Variants in STRADB observed in about 807,000 individuals in gnomAD.
STRADB encodes the protein STE20 related adaptor beta.
STRADB carries 34 observed loss-of-function variants against 52.1 expected under a neutral mutation model. The ratio of observed to expected loss-of-function variants is 0.65; its 90% confidence interval spans 0.50 to 0.87. The LOEUF is 0.87. Among genes scored for constraint, STRADB ranks in the 40% least tolerant of loss-of-function variants. The pLI, the probability that STRADB is intolerant of heterozygous loss-of-function variation, is 0.00. For synonymous variants in STRADB, 133 were observed against 174.5 expected (o/e 0.76, Z 1.87); for missense variants, 340 against 483.9 (o/e 0.70, Z 2.79).
rs1237786469 is a variant in STRADB, at chr2:201,474,634, G to A, written c.316-13G>A. 5 of 1,601,084 alleles carry A rather than the reference G, an allele frequency of 3.1e-6. No individual in the cohort carries two copies. In the Admixed American group the frequency reaches 8.6e-5, roughly 27 times the overall value. On this transcript the variant is annotated splice_polypyrimidine_tract_variant and intron_variant, in intron 5 of 11. Transcript: ENST00000194530. ...TGTTTTTAAATGTCTTGTCTCTTGT[G>A]TGTTTATCCTAGAAAGCCGTGATTC... is the stretch of plus-strand genomic sequence containing the variant.
intron 1 of STRADB, among the ~76,000 whole-genome samples, chr2:201,454,437 C>A (rs907590562): frequency 6.6e-6 from 1 of 152,082 alleles, no homozygotes; most frequent in Non-Finnish European, 1.5e-5. Context: ...CTTTAAAAAA[C>A]AAACAAAAAA....
intron 3 of STRADB, among the ~76,000 whole-genome samples, chr2:201,463,134 G>A (rs1008973145): frequency 2.0e-5 from 3 of 152,096 alleles, no homozygotes; most frequent in Non-Finnish European, 4.4e-5. Context: ...TCAGGAGATT[G>A]AGACCATCCT....
intron 10 of STRADB, 39 bp from the exon 11 acceptor site, chr2:201,479,450 A>G (rs981983589): frequency 4.9e-6 from 7 of 1,441,770 alleles, no homozygotes; most frequent in Non-Finnish European, 6.4e-6. Context: ...ACATTCTAAT[A>G]TAAAGGTTTT....
chr2:201,452,227 G>A (rs1370976886), intron 1 of STRADB, among the ~76,000 whole-genome samples: 11 of 151,934 alleles, frequency 7.2e-5, no homozygotes, highest in African/African-American at 2.7e-4. Flanking sequence ...CCAGGTGCGC[G>A]GGGCCCAGGC....
intron 4 of STRADB, among the ~76,000 whole-genome samples, chr2:201,472,400 A>G (rs910695177): frequency 6.6e-6 from 1 of 152,252 alleles, no homozygotes; most frequent in Non-Finnish European, 1.5e-5. Context: ...TGGTATAGCC[A>G]TACAATTGTT....
At chr2:201,478,749 G>A (rs1952521992) in intron 10 of STRADB, 148 bp downstream of exon 10, 1 of 1,008,844 alleles carries the variant, frequency 9.9e-7, no homozygotes, top group Non-Finnish European at 1.4e-6. Context: ...ACAATTAGTG[G>A]GAACAAGCAA....
In STRADB at chr2:201,466,586, T is replaced by C. The variant is rs115599865; in HGVS notation, c.94-3367T>C. 5.4e-3 allele frequency among the ~76,000 whole-genome samples: 828 copies of C among 152,336 alleles called. 1 individual carries two copies. The highest frequency in any genetic ancestry group is 0.01 in the Non-Finnish European group (693 of 68,028). On this transcript the variant is annotated intron_variant, in intron 3 of 11. Coordinates refer to ENST00000194530, the MANE Select transcript of STRADB (RefSeq NM_018571.6). ...ATTGGCCTGGACTTTATAGATAGAA[T>C]TAAATTTTATGTTAAAATATCATGT...
chr2:201,477,534 A>G, intron 7 of STRADB, 85 bp from the exon 8 acceptor site: 1 of 1,350,586 alleles, frequency 7.4e-7, no homozygotes, highest in Non-Finnish European at 1.0e-6. Flanking sequence ...TTCCAAGAGA[A>G]TATATGGATT....
chr2:201,464,284 T>C (rs1011692966), intron 3 of STRADB, among the ~76,000 whole-genome samples: 40 of 152,254 alleles, frequency 2.6e-4, no homozygotes, highest in African/African-American at 8.9e-4. Context: ...CTTTGGTCAC[T>C]GTAACTCTAT....
intron 8 of STRADB, 95 bp downstream of exon 8, chr2:201,477,885 T>G (rs1030035014): frequency 2.8e-6 from 4 of 1,439,682 alleles, no homozygotes; most frequent in African/African-American, 1.4e-5. Context: ...GATTGGTGAA[T>G]GGCCTTCTGC....
At chr2:201,473,884 A>T (rs1053615351) in intron 5 of STRADB, among the ~76,000 whole-genome samples, 4 of 150,864 alleles carry the variant, frequency 2.7e-5, no homozygotes, top group Non-Finnish European at 5.9e-5. Flanking sequence ...ATATTGTTCC[A>T]ATTCTTTTTT....
intron 11 of STRADB, among the ~76,000 whole-genome samples, chr2:201,479,745 G>A (rs1012880509): frequency 4.6e-5 from 7 of 151,992 alleles, no homozygotes; most frequent in Non-Finnish European, 1.0e-4. Context: ...AAAATAAAAT[G>A]GACTATCATC....
At chr2:201,479,955 T>C (rs1574297954) in intron 11 of STRADB, 77 bp from the exon 12 acceptor site, 1 of 1,551,746 alleles carries the variant, frequency 6.4e-7, no homozygotes, top group Non-Finnish European at 8.9e-7. Flanking sequence ...ATAAATTCTT[T>C]AAAAGTTATT....
chr2:201,462,480 CTTT>C (rs1478906698), intron 3 of STRADB, among the ~76,000 whole-genome samples: 2 of 151,820 alleles, frequency 1.3e-5, no homozygotes, highest in Non-Finnish European at 2.9e-5. Context: ...CTGTCTTCTT[CTTT>C]TTTGTGAAGT....
At chr2:201,465,775 A>G (rs1352025275) in intron 3 of STRADB, among the ~76,000 whole-genome samples, 1 of 152,216 alleles carries the variant, frequency 6.6e-6, no homozygotes, top group East Asian at 1.9e-4. Context: ...GCTGGAATTC[A>G]GGTTCCAGCT....
rs143801737 is a variant in STRADB at position 201,478,383 on chromosome 2, T to G, written c.852T>G (p.Pro284=). 1 of 1,613,978 alleles carries G rather than the reference T, an allele frequency of 6.2e-7. No homozygotes were observed. The highest frequency in any genetic ancestry group is 2.2e-5 in the East Asian group (1 of 44,856). The change falls in exon 10 of 12, where the codon CCT becomes CCG. Residue 284 remains proline, a synonymous_variant. Transcript: ENST00000194530. ...TQMLLQKLKG[P]PYSPLDISIF... is the part of the protein sequence containing the mutation. The stretch of plus-strand genomic sequence containing the variant: ...TGCTGTTACAGAAACTGAAAGGTCC[T>G]CCTTATAGCCCATTGGATATCAGTA...
chr2:201,463,991 T>C (rs1371491910), intron 3 of STRADB, among the ~76,000 whole-genome samples: 1 of 152,202 alleles, frequency 6.6e-6, no homozygotes, highest in Non-Finnish European at 1.5e-5. Flanking sequence ...CTCTGTGTTA[T>C]CTTGAAATTT....
At position 201,478,543 on chromosome 2, in the gene STRADB, T is replaced by C. The variant is rs1952517578; in HGVS notation, c.1012T>C (p.Phe338Leu). The stretch of plus-strand genomic sequence containing the variant: ...ATTACACACACCATCCTCAAAAACT[T>C]TCTCTCCTGCCTTCTTTAGCTTGGT... ...DRLHTPSSKT[F>L]SPAFFSLVQL... Residue 338 changes from phenylalanine (F) to leucine (L), a missense_variant, in exon 10 of 12, where the codon TTC becomes CTC. Phe to Leu is a conservative substitution (Grantham distance 22). Coordinates refer to ENST00000194530, the MANE Select transcript of STRADB (RefSeq NM_018571.6). The C allele has an allele frequency of 6.2e-7, 1 of 1,613,936 alleles. No individual in the cohort carries two copies. Among genetic ancestry groups the C allele is most frequent in the Admixed American group, 1.7e-5 (1 of 59,988 alleles).
intron 2 of STRADB, among the ~76,000 whole-genome samples, chr2:201,456,537 A>G (rs1028610140): frequency 5.3e-5 from 8 of 151,888 alleles, no homozygotes; most frequent in African/African-American, 1.9e-4. Flanking sequence ...TTTTTCTGCA[A>G]TGGTGAAATA....
Sources: allele counts gnomAD v4.1 joint callset (sites outside exome capture counted in the v4.1 genomes callset), GRCh38; gene constraint gnomAD v4.1.1; transcripts MANE v1.5; gene names NCBI Gene and HGNC (gene_info 2026-07-23, HGNC 2026-07-21).